PRKG1: variants seen among roughly 807,000 people sequenced by gnomAD.
PRKG1 encodes cGMP-dependent protein kinase 1.
A neutral mutation model predicts 88.1 loss-of-function variants in PRKG1; 35 were observed. The ratio of observed to expected loss-of-function variants is 0.40; its 90% CI spans 0.30 to 0.53. PRKG1 has a LOEUF of 0.53. Ranked by LOEUF, PRKG1 falls within the 20% of genes least tolerant of loss-of-function variation. The pLI is 0.59. For synonymous variants in PRKG1, 303 were observed against 292.5 expected (o/e 1.04, Z -0.37); for missense variants, 540 against 839.8 (o/e 0.64, Z 4.41).
chr10:51,059,121 TTATA>T (rs1266425705), intron 1 of PRKG1, among the ~76,000 whole-genome samples: 1 of 152,226 alleles, frequency 6.6e-6, no homozygotes, highest in East Asian at 1.9e-4. Context: ...TTTTAATAGT[TTATA>T]TGTAGGTCTA....
intron 3 of PRKG1, among the ~76,000 whole-genome samples, chr10:51,504,546 A>G (rs987706058): frequency 1.3e-5 from 2 of 152,162 alleles, no homozygotes; most frequent in Non-Finnish European, 2.9e-5. Flanking sequence ...CATTGAATCT[A>G]TAAATTACCT....
intron 9 of PRKG1, among the ~76,000 whole-genome samples, chr10:52,248,106 T>A (rs1020560091): frequency 2.0e-5 from 3 of 152,252 alleles, no homozygotes; most frequent in Admixed American, 6.5e-5. Flanking sequence ...TGCTATTGTT[T>A]GTGGCTTAAG....
At chr10:51,578,980 GTTTTTTTTTTTTTT>G (rs752412264) in intron 3 of PRKG1, among the ~76,000 whole-genome samples, 10 of 77,828 alleles carry the variant, frequency 1.3e-4, no homozygotes, top group African/African-American at 4.8e-4. Flanking sequence ...AGTTCTGTTG[GTTTTTTTTTTTTTT>G]TTTTTTTTTT....
intron 2 of PRKG1, among the ~76,000 whole-genome samples, chr10:51,168,465 A>C (rs1401314791): frequency 2.0e-5 from 3 of 152,192 alleles, no homozygotes; most frequent in Admixed American, 6.5e-5. Context: ...TAAGTGAATA[A>C]ATATTTGAAA....
chr10:51,651,194 C>T (rs1212409345), intron 3 of PRKG1, among the ~76,000 whole-genome samples: 1 of 152,138 alleles, frequency 6.6e-6, no homozygotes, highest in Non-Finnish European at 1.5e-5. Context: ...CATCTCATAC[C>T]TAAGGAATTT....
chr10:51,943,474 G>T (rs903689150), intron 5 of PRKG1, among the ~76,000 whole-genome samples: 21 of 152,018 alleles, frequency 1.4e-4, no homozygotes, highest in Admixed American at 1.2e-3. Flanking sequence ...GCCCTGGCCA[G>T]AACTTCCAAC....
chr10:52,219,087 TG>T (rs1490335458), intron 9 of PRKG1, among the ~76,000 whole-genome samples: 2 of 152,046 alleles, frequency 1.3e-5, no homozygotes, highest in Non-Finnish European at 2.9e-5. Context: ...TTTGTTTTCA[TG>T]GTGAGCACTT....
chr10:51,816,536 C>CGTGTGTGT (rs769022267), intron 4 of PRKG1, among the ~76,000 whole-genome samples: 4,909 of 98,410 alleles, frequency 0.05, 205 homozygotes, highest in South Asian at 0.17. Flanking sequence ...ATAATTTTGG[C>CGTGTGTGT]ATGTGTGTGT....
chr10:51,261,988 G>A (rs10996390), intron 2 of PRKG1, among the ~76,000 whole-genome samples: 16,916 of 148,192 alleles, frequency 0.11, 1,323 homozygotes, highest in African/African-American at 0.23. Context: ...CCGGGTTCAC[G>A]CCACTCTCCT....
intron 1 of PRKG1, among the ~76,000 whole-genome samples, chr10:51,132,290 C>A (rs1255405505): frequency 1.3e-5 from 2 of 152,108 alleles, no homozygotes; most frequent in African/African-American, 2.4e-5. Context: ...TGCCCTAATG[C>A]AGAGAAATTC....
rs779066152 is a variant in PRKG1, at chr10:51,836,693, A to G, written c.698+32003A>G. On this transcript the variant is annotated intron_variant, in intron 4 of 17. Coordinates refer to ENST00000373980, the MANE Select transcript of PRKG1 (RefSeq NM_006258.4). ...CTATCCAAAATATACAAGGAACTCA[A>G]AATATCCACTAACCAAAAAACCCTC... 6.6e-5 allele frequency among the ~76,000 whole-genome samples: 10 copies of G among 152,318 alleles called. No individual in the cohort carries two copies. In the South Asian group the frequency reaches 1.0e-3, roughly 16 times the overall value.
chr10:51,586,883 A>G (rs1225319063), intron 3 of PRKG1, among the ~76,000 whole-genome samples: 1 of 152,184 alleles, frequency 6.6e-6, no homozygotes, highest in Admixed American at 6.6e-5. Context: ...AAAAGGATGT[A>G]CATGTATTCC....
chr10:51,733,722 T>C (rs1417339658), intron 3 of PRKG1, among the ~76,000 whole-genome samples: 1 of 152,116 alleles, frequency 6.6e-6, no homozygotes, highest in African/African-American at 2.4e-5. Context: ...CGGCCATAAG[T>C]GGATATGATT....
intron 5 of PRKG1, among the ~76,000 whole-genome samples, chr10:51,942,197 G>A (rs1382958194): frequency 6.6e-6 from 1 of 151,930 alleles, no homozygotes; most frequent in Non-Finnish European, 1.5e-5. Context: ...TTTCTCTGAT[G>A]GCCAGTGATG....
chr10:51,128,951 A>G (rs1316362781), intron 1 of PRKG1, among the ~76,000 whole-genome samples: 3 of 152,200 alleles, frequency 2.0e-5, no homozygotes, highest in Non-Finnish European at 2.9e-5. Flanking sequence ...GTTACTTGTA[A>G]TGATGGCCTG....
At chr10:50,993,511 G>T (rs572263276) in intron 1 of PRKG1, among the ~76,000 whole-genome samples, 39 of 152,346 alleles carry the variant, frequency 2.6e-4, no homozygotes, top group African/African-American at 9.4e-4. Context: ...ATTCCGAGCG[G>T]CTGCCCTGCC....
At chr10:51,801,727 G>A (rs972402314) in intron 3 of PRKG1, among the ~76,000 whole-genome samples, 2 of 152,022 alleles carry the variant, frequency 1.3e-5, no homozygotes, top group African/African-American at 4.8e-5. Flanking sequence ...TCCTTCCTCT[G>A]TAATCTTGGT....
At chr10:52,149,238 T>C (rs1837832164) in intron 8 of PRKG1, among the ~76,000 whole-genome samples, 1 of 151,916 alleles carries the variant, frequency 6.6e-6, no homozygotes, top group South Asian at 2.1e-4. Context: ...TAATAAGATT[T>C]TCATTTGTAG....
intron 5 of PRKG1, among the ~76,000 whole-genome samples, chr10:51,979,767 C>G (rs1843958011): frequency 6.6e-6 from 1 of 151,722 alleles, no homozygotes; most frequent in Admixed American, 6.6e-5. Context: ...TCTAGATTTT[C>G]TAGTGCATGT....
Sources: allele counts gnomAD v4.1 joint callset (sites outside exome capture counted in the v4.1 genomes callset), GRCh38; gene constraint gnomAD v4.1.1; transcripts MANE v1.5; gene names NCBI Gene and HGNC (gene_info 2026-07-23, HGNC 2026-07-21).